FBLN2: variants seen among roughly 807,000 people sequenced by gnomAD.
FBLN2 encodes fibulin 2, also known as fibulin-2.
In FBLN2, 81 loss-of-function variants were observed where a neutral mutation model predicts 123.7. That is an observed-to-expected ratio of 0.65 (90% confidence interval 0.55 to 0.79). The LOEUF (loss-of-function observed/expected upper bound fraction) is 0.79, where lower values mean the gene tolerates loss of function less well. Among genes scored for constraint, FBLN2 ranks in the 30% least tolerant of loss-of-function variants. FBLN2 has a pLI of 0.00. For missense variants in FBLN2, 1,603 were observed against 1,681.3 expected, an observed-to-expected ratio of 0.95 and a Z score of 0.81; for synonymous variants, 699 against 701.4, an observed-to-expected ratio of 1.00 and a Z score of 0.05.
chr3:13,602,516 G>A (rs1464867276), intron 2 of FBLN2, among the ~76,000 whole-genome samples: 1 of 152,146 alleles, frequency 6.6e-6, no homozygotes, highest in Non-Finnish European at 1.5e-5. Context: ...AAGTAGAGGA[G>A]AATTGACATC....
intron 9 of FBLN2, among the ~76,000 whole-genome samples, chr3:13,625,788 A>C (rs1706015747): frequency 6.6e-6 from 1 of 151,294 alleles, no homozygotes; most frequent in Non-Finnish European, 1.5e-5. Flanking sequence ...CCTTGCTCCA[A>C]ATAAATAAGA....
At chr3:13,574,940 T>A (rs1704086581) in intron 2 of FBLN2, among the ~76,000 whole-genome samples, 1 of 152,162 alleles carries the variant, frequency 6.6e-6, no homozygotes, top group African/African-American at 2.4e-5. Context: ...CCTGTGTACA[T>A]CCCTGTAACG....
At chr3:13,616,408 G>C (rs1705605534) in intron 5 of FBLN2, among the ~76,000 whole-genome samples, 2 of 152,182 alleles carry the variant, frequency 1.3e-5, no homozygotes, top group African/African-American at 4.8e-5. Context: ...AGCTGAGCCT[G>C]AATCCTGGAG....
At chr3:13,632,438 G>C (rs1227518821) in intron 16 of FBLN2, among the ~76,000 whole-genome samples, 2 of 152,204 alleles carry the variant, frequency 1.3e-5, no homozygotes, top group Non-Finnish European at 2.9e-5. Context: ...AAAAGCAGAG[G>C]GGTCAGAGTT....
In FBLN2 at chr3:13,631,314, A is replaced by T; in HGVS notation, c.3086-15A>T. ...GTGGACGAGGTTCACCAGGGGCTGA[A>T]CCTCTCTCTGACAGACATCGACGAG... On this transcript the variant is annotated splice_polypyrimidine_tract_variant and intron_variant, in intron 15 of 17. Transcript: ENST00000404922. 6.3e-7 allele frequency: 1 copy of T among 1,598,970 alleles called. No individual in the cohort carries two copies.
In FBLN2 at chr3:13,614,135, C is replaced by G; in HGVS notation, c.1700C>G (p.Pro567Arg). The G allele has an allele frequency of 6.2e-7, 1 of 1,612,818 alleles. No individual in the cohort carries two copies. The change falls in exon 5 of 18, where the codon CCT becomes CGT. Residue 567 changes from proline (P) to arginine (R), a missense_variant. By Grantham distance (103) the Pro-to-Arg change is moderately radical (BLOSUM62 -2). Coordinates refer to ENST00000404922, the MANE Select transcript of FBLN2 (RefSeq NM_001004019.2). ...EPLIVPEVRRPPEPAAAPRRV... is the reference protein window; with the variant it reads ...EPLIVPEVRRRPEPAAAPRRV... Reference sequence around the variant, plus strand: ...CTCATAGTACCTGAGGTTCGCCGACCTCCAGAGCCCGCAGCTGCACCACGG... The same window carrying G: ...CTCATAGTACCTGAGGTTCGCCGACGTCCAGAGCCCGCAGCTGCACCACGG...
Position 13,571,223 on chromosome 3 carries a change from A to G in FBLN2, c.868A>G (p.Met290Val), listed in dbSNP as rs752165848. ...AGAGGAGGAGGAGGAGAGAGAGGAA[A>G]TGGCTGTCACTGAGCAGCTGGCAGC... ...EEEEEEEREE[M>V]AVTEQLAAGG... Residue 290 changes from methionine (M) to valine (V), a missense_variant, in exon 2 of 18, where the codon ATG (methionine) becomes GTG (valine). Physicochemically the swap from Met to Val is conservative, Grantham distance 21. Transcript: ENST00000404922. The G allele has an allele frequency of 2.5e-6, 4 of 1,570,138 alleles. No individual in the cohort carries two copies. The highest frequency in any genetic ancestry group is 1.2e-5 in the South Asian group (1 of 85,692).
At chr3:13,550,882 C>T (rs1559394894) in intron 1 of FBLN2, among the ~76,000 whole-genome samples, 4 of 152,328 alleles carry the variant, frequency 2.6e-5, no homozygotes, top group South Asian at 4.1e-4. Context: ...TTGGCTCTCA[C>T]CATGTTATTA....
chr3:13,557,940 AGCAGGGGCT>A (rs1232913857), intron 1 of FBLN2, among the ~76,000 whole-genome samples: 1 of 152,182 alleles, frequency 6.6e-6, no homozygotes, highest in African/African-American at 2.4e-5. Flanking sequence ...TGGCTTTGGC[AGCAGGGGCT>A]GACTGCCTTG....
chr3:13,593,948 T>C (rs1704760283), intron 2 of FBLN2, among the ~76,000 whole-genome samples: 1 of 152,166 alleles, frequency 6.6e-6, no homozygotes, highest in South Asian at 2.1e-4. Flanking sequence ...CCTCTGCCCC[T>C]GACACTGCAA....
intron 4 of FBLN2, among the ~76,000 whole-genome samples, chr3:13,610,126 G>A (rs1445197086): frequency 6.6e-6 from 1 of 152,182 alleles, no homozygotes; most frequent in Non-Finnish European, 1.5e-5. Flanking sequence ...TGCAATGCCC[G>A]GGGTGGGGGA....
In FBLN2 at chr3:13,600,433, G is replaced by A. The variant is rs146497395; in HGVS notation, c.1307-7629G>A. 1.9e-3 allele frequency among the ~76,000 whole-genome samples: 289 copies of A among 152,080 alleles called. 1 individual carries two copies. The highest frequency in any genetic ancestry group is 6.8e-3 in the African/African-American group (281 of 41,474). ...GATCAAGGAGGAGCAGGCAGAGAGC[G>A]CCATTCAACACCCACGAAAGCAGAG... On this transcript the variant is annotated intron_variant, in intron 2 of 17. Transcript: ENST00000404922.
At chr3:13,584,788 C>A (rs973311351) in intron 2 of FBLN2, among the ~76,000 whole-genome samples, 6 of 152,248 alleles carry the variant, frequency 3.9e-5, no homozygotes, top group Admixed American at 3.9e-4. Flanking sequence ...TGCCACCACA[C>A]AGGCATGGGC....
chr3:13,561,558 C>T (rs898971619), intron 1 of FBLN2, among the ~76,000 whole-genome samples: 4 of 152,184 alleles, frequency 2.6e-5, no homozygotes, highest in African/African-American at 9.7e-5. Context: ...ACTGTTAGTG[C>T]TGCTTAGGAT....
At chr3:13,562,785 T>A (rs1703648807) in intron 1 of FBLN2, among the ~76,000 whole-genome samples, 1 of 152,222 alleles carries the variant, frequency 6.6e-6, no homozygotes, top group Admixed American at 6.5e-5. Flanking sequence ...AAGCAGGAAC[T>A]CCTCCTGCTT....
At chr3:13,557,590 G>C (rs1703495940) in intron 1 of FBLN2, among the ~76,000 whole-genome samples, 1 of 152,202 alleles carries the variant, frequency 6.6e-6, no homozygotes, top group Non-Finnish European at 1.5e-5. Flanking sequence ...GCAGCTCCAG[G>C]CTCACCCTCG....
chr3:13,569,913 A>G lies in FBLN2; in HGVS notation c.-41-402A>G, dbSNP rs529823594. Among the ~76,000 whole-genome samples, 11 of 152,092 alleles carry G rather than the reference A, an allele frequency of 7.2e-5. No homozygotes were observed. In the East Asian group the frequency reaches 1.9e-3, roughly 27 times the overall value. On this transcript the variant is annotated intron_variant, in intron 1 of 17. Transcript: ENST00000404922. Reference sequence around the variant, plus strand: ...TGAGACAGCGTGTGTAACTGCATAGAGGATTATGGGGCATATTGCCTGACG... The same window carrying G: ...TGAGACAGCGTGTGTAACTGCATAGGGGATTATGGGGCATATTGCCTGACG...
intron 1 of FBLN2, among the ~76,000 whole-genome samples, chr3:13,565,850 T>C (rs9864258): frequency 0.84 from 128,518 of 152,192 alleles, 54,443 homozygotes; most frequent in East Asian, 1. Context: ...AAGCACAGGG[T>C]CATGGAGTGC....
Position 13,570,980 on chromosome 3 carries a change from G to A in FBLN2, c.625G>A (p.Ala209Thr). ...CCAGGAGGTGGCCGAGGTGGAAGCAGCAACAGCCCTGGGGGGTGAGGTCCA... is the reference window on the plus strand; with the variant it reads ...CCAGGAGGTGGCCGAGGTGGAAGCAACAACAGCCCTGGGGGGTGAGGTCCA... ...YDQEVAEVEA[A>T]TALGGEVQAG... Residue 209 changes from alanine (A) to threonine (T), a missense_variant, in exon 2 of 18, where the codon GCA becomes ACA. By Grantham distance (58) the Ala-to-Thr change is moderately conservative. Coordinates refer to ENST00000404922, the MANE Select transcript of FBLN2 (RefSeq NM_001004019.2). The A allele has an allele frequency of 6.2e-7, 1 of 1,609,664 alleles. No homozygotes were observed. Among genetic ancestry groups the A allele is most frequent in the Non-Finnish European group, 8.5e-7 (1 of 1,178,240 alleles).
Sources: allele counts gnomAD v4.1 joint callset (sites outside exome capture counted in the v4.1 genomes callset), GRCh38; gene constraint gnomAD v4.1.1; transcripts MANE v1.5; gene names NCBI Gene and HGNC (gene_info 2026-07-23, HGNC 2026-07-21).